SGCZ: variants seen among roughly 807,000 people sequenced by gnomAD.
SGCZ encodes zeta-sarcoglycan.
Under a neutral mutation model 41.3 loss-of-function variants are expected in SGCZ, and 40 were observed. The observed-to-expected ratio is 0.97, with a 90% CI of 0.75 to 1.26. SGCZ has a LOEUF of 1.26. Among genes scored for constraint, SGCZ ranks in the 50% most tolerant of loss-of-function variants. The pLI is 0.00. For missense variants in SGCZ, 552 were observed against 369.8 expected (o/e 1.49, Z -4.04); for synonymous variants, 206 against 137.5 (o/e 1.50, Z -3.49).
chr8:14,502,514 G>C (rs988134562), intron 2 of SGCZ, among the ~76,000 whole-genome samples: 4 of 151,778 alleles, frequency 2.6e-5, no homozygotes, highest in African/African-American at 9.7e-5. Context: ...CACTTTTAAA[G>C]TATACTGCTA....
chr8:14,120,641 T>G (rs1802669987), intron 5 of SGCZ, among the ~76,000 whole-genome samples: 1 of 151,910 alleles, frequency 6.6e-6, no homozygotes, highest in African/African-American at 2.4e-5. Context: ...TGGTTTTCTA[T>G]AGAAAAAAAA....
At chr8:14,579,068 T>A (rs921006137) in intron 1 of SGCZ, among the ~76,000 whole-genome samples, 1 of 152,130 alleles carries the variant, frequency 6.6e-6, no homozygotes, top group African/African-American at 2.4e-5. Context: ...CAAAGTAAGC[T>A]CAAAGTAAAT....
intron 3 of SGCZ, among the ~76,000 whole-genome samples, chr8:14,297,365 G>A (rs945184261): frequency 6.6e-6 from 1 of 151,354 alleles, no homozygotes; most frequent in Non-Finnish European, 1.5e-5. Context: ...AGCAAAAAAG[G>A]GAGTAAATTA....
intron 2 of SGCZ, among the ~76,000 whole-genome samples, chr8:14,400,509 T>C (rs80010380): frequency 6.6e-6 from 1 of 152,098 alleles, no homozygotes; most frequent in Admixed American, 6.6e-5. Context: ...TGCCTAAGGG[T>C]CAAATTGTTG....
At chr8:14,374,205 C>G (rs570262404) in intron 2 of SGCZ, among the ~76,000 whole-genome samples, 1 of 152,198 alleles carries the variant, frequency 6.6e-6, no homozygotes, top group Admixed American at 6.5e-5. Context: ...TGGCAAAACA[C>G]TGTCTCTACA....
rs867109841 is a variant in SGCZ, at chr8:14,551,589, A to T, written c.234+3143T>A. Among the ~76,000 whole-genome samples, 62 of 34,018 alleles carry T rather than the reference A, an allele frequency of 1.8e-3. 1 individual carries two copies. The highest frequency in any genetic ancestry group is 6.3e-3 in the African/African-American group (37 of 5,876). The allele number at this position is 34,018 out of a possible 152,430, so 22.3% of individuals were successfully genotyped here. ...TATATAATATATATATAATATATAT[A>T]ATATATATTATATATATTATATATA... On this transcript the variant is annotated intron_variant, in intron 2 of 7. Coordinates refer to ENST00000382080, the MANE Select transcript of SGCZ (RefSeq NM_139167.4).
chr8:14,854,243 A>C (rs1803462425), intron 1 of SGCZ, among the ~76,000 whole-genome samples: 1 of 151,534 alleles, frequency 6.6e-6, no homozygotes, highest in Non-Finnish European at 1.5e-5. Context: ...TGGGCTTTTG[A>C]CACAGAGTTG....
intron 2 of SGCZ, among the ~76,000 whole-genome samples, chr8:14,407,184 T>G (rs960566944): frequency 6.7e-6 from 1 of 148,300 alleles, no homozygotes; most frequent in Non-Finnish European, 1.5e-5. Context: ...TTCTCCTGCC[T>G]CAGCCTCCTG....
intron 1 of SGCZ, among the ~76,000 whole-genome samples, chr8:14,562,211 A>G (rs903243409): frequency 2.0e-5 from 3 of 152,136 alleles, no homozygotes; most frequent in Non-Finnish European, 4.4e-5. Flanking sequence ...ACTAGCTGGA[A>G]TCATTACTTC....
intron 3 of SGCZ, among the ~76,000 whole-genome samples, chr8:14,286,039 C>T (rs1044480792): frequency 1.3e-5 from 2 of 151,436 alleles, no homozygotes; most frequent in Non-Finnish European, 1.5e-5. Context: ...ATTTATTTAG[C>T]ATTTGAGGCT....
At chr8:14,625,708 G>A (rs1192984680) in intron 1 of SGCZ, among the ~76,000 whole-genome samples, 1 of 152,062 alleles carries the variant, frequency 6.6e-6, no homozygotes, top group African/African-American at 2.4e-5. Flanking sequence ...TGGGATTAAA[G>A]GCATGAGCCA....
chr8:14,554,936 A>T lies in SGCZ; in HGVS notation c.40-10T>A. The stretch of plus-strand genomic sequence containing the variant: ...ATTGTTCTCGTGTCATCTGAAAAAG[A>T]AAAAAGAAAGAAAGAGAAAGAAGGA... On this transcript the variant is annotated splice_polypyrimidine_tract_variant and intron_variant, in intron 1 of 7. Transcript: ENST00000382080. 6.5e-7 allele frequency: 1 copy of T among 1,535,980 alleles called. No homozygotes were observed. The highest frequency in any genetic ancestry group is 8.8e-7 in the Non-Finnish European group (1 of 1,140,372).
At chr8:14,781,796 C>T (rs1032867755) in intron 1 of SGCZ, among the ~76,000 whole-genome samples, 12 of 152,116 alleles carry the variant, frequency 7.9e-5, no homozygotes, top group African/African-American at 2.9e-4. Flanking sequence ...ATGCCTACAA[C>T]ACTTACATTA....
intron 1 of SGCZ, among the ~76,000 whole-genome samples, chr8:14,837,645 G>T (rs1436259417): frequency 6.6e-6 from 1 of 152,048 alleles, no homozygotes; most frequent in Non-Finnish European, 1.5e-5. Flanking sequence ...ATGTAGAAGG[G>T]TCTTCATTCT....
chr8:14,119,811 T>G (rs765201326), intron 5 of SGCZ, among the ~76,000 whole-genome samples: 1 of 152,188 alleles, frequency 6.6e-6, no homozygotes, highest in African/African-American at 2.4e-5. Flanking sequence ...CTGAATCTAT[T>G]TAGATAATCG....
At chr8:14,330,806 T>A (rs1478311056) in intron 2 of SGCZ, among the ~76,000 whole-genome samples, 4 of 151,920 alleles carry the variant, frequency 2.6e-5, no homozygotes, top group Non-Finnish European at 4.4e-5. Flanking sequence ...CATTTTGGCA[T>A]GAAATTAAGA....
At position 15,135,932 on chromosome 8, in the gene SGCZ, T is replaced by C. The variant is rs374743105; in HGVS notation, c.39+101653A>G. ...TTGCACAGGCATATTTATACCTACT[T>C]TTAATTATATGCAAATTAAGGAGAT... On this transcript the variant is annotated intron_variant, in intron 1 of 7. Coordinates refer to ENST00000382080, the MANE Select transcript of SGCZ (RefSeq NM_139167.4). Among the ~76,000 whole-genome samples, 18 of 152,326 alleles carry C rather than the reference T, an allele frequency of 1.2e-4. No individual in the cohort carries two copies. The East Asian group carries it at 2.1e-3, about 18-fold the overall frequency.
chr8:14,828,466 TA>T (rs1319111851), intron 1 of SGCZ, among the ~76,000 whole-genome samples: 1 of 152,220 alleles, frequency 6.6e-6, no homozygotes, highest in Non-Finnish European at 1.5e-5. Context: ...CCTTTGTACC[TA>T]AATGAGCTGC....
intron 5 of SGCZ, among the ~76,000 whole-genome samples, chr8:14,121,294 C>T (rs967551963): frequency 7.9e-5 from 12 of 151,850 alleles, no homozygotes; most frequent in African/African-American, 1.4e-4. Flanking sequence ...CAACATGTCA[C>T]GCTGTCATAG....
Sources: gnomAD v4.1 joint callset for allele counts (sites outside exome capture counted in the v4.1 genomes callset) on GRCh38, gnomAD v4.1.1 for gene constraint, MANE v1.5 for transcripts, NCBI Gene and HGNC (gene_info 2026-07-23, HGNC 2026-07-21) for gene names.